SNX14: variants seen among roughly 807,000 people sequenced by gnomAD.
The protein encoded by SNX14 is sorting nexin-14.
In SNX14, 93 loss-of-function variants were observed where a neutral mutation model predicts 133.8. The ratio of observed to expected loss-of-function variants is 0.70; its 90% confidence interval spans 0.59 to 0.83. The LOEUF is 0.83. Among genes scored for constraint, SNX14 ranks in the 40% least tolerant of loss-of-function variants. SNX14 has a pLI of 0.00. For missense variants in SNX14, 945 were observed against 1,094.9 expected (o/e 0.86, Z 1.93); for synonymous variants, 368 against 365.6 (o/e 1.01, Z -0.07).
At position 85,573,317 on chromosome 6, in the gene SNX14, T is replaced by C. The variant is rs146478167; in HGVS notation, c.261+941A>G. Among the ~76,000 whole-genome samples the C allele has an allele frequency of 4.4e-3, 675 of 152,204 alleles. 2 individuals carry two copies. The highest frequency in any genetic ancestry group is 6.8e-3 in the Middle Eastern group (2 of 294). On this transcript the variant is annotated intron_variant, in intron 2 of 28. Coordinates refer to ENST00000314673, the MANE Select transcript of SNX14 (RefSeq NM_153816.6). ...CAACACAGCAAAACCCCGTCTCTACTAAAAATACAAAAATTAGCTGGGCCT... is the reference window on the plus strand; with the variant it reads ...CAACACAGCAAAACCCCGTCTCTACCAAAAATACAAAAATTAGCTGGGCCT...
chr6:85,562,968 G>C (rs1792254529), intron 6 of SNX14, among the ~76,000 whole-genome samples: 1 of 151,912 alleles, frequency 6.6e-6, no homozygotes, highest in Non-Finnish European at 1.5e-5. Context: ...ATTTGAACTT[G>C]TTTTCCATAC....
intron 6 of SNX14, among the ~76,000 whole-genome samples, chr6:85,558,936 GAA>G (rs11316571): frequency 1.8e-4 from 27 of 146,490 alleles, no homozygotes; most frequent in Middle Eastern, 3.5e-3. Flanking sequence ...CAGAAAACAG[GAA>G]AAAAAAAAAA....
chr6:85,579,346 G>C (rs773444191), intron 1 of SNX14, among the ~76,000 whole-genome samples: 5 of 152,110 alleles, frequency 3.3e-5, no homozygotes, highest in African/African-American at 4.8e-5. Context: ...AGGAGAGAGA[G>C]AGGCAGAACA....
At chr6:85,537,923 T>A (rs1344376539) in intron 16 of SNX14, among the ~76,000 whole-genome samples, 2 of 152,156 alleles carry the variant, frequency 1.3e-5, no homozygotes, top group Non-Finnish European at 2.9e-5. Flanking sequence ...TGAGGCTCCA[T>A]CAAGAAAATA....
At chr6:85,514,927 A>G (rs1774271970) in intron 23 of SNX14, among the ~76,000 whole-genome samples, 1 of 152,164 alleles carries the variant, frequency 6.6e-6, no homozygotes, top group Admixed American at 6.6e-5. Context: ...GCAAAGTAAC[A>G]TAAAAAGATG....
intron 13 of SNX14, 112 bp from the exon 14 acceptor site, chr6:85,543,418 A>T: frequency 2.7e-6 from 3 of 1,128,970 alleles, no homozygotes. Flanking sequence ...AAATTAGACC[A>T]ACCAAGCTCT....
chr6:85,533,779 T>C lies in SNX14; in HGVS notation c.1630A>G (p.Met544Val), dbSNP rs752431331. 155 of 1,613,268 alleles carry C rather than the reference T, an allele frequency of 9.6e-5. No individual in the cohort carries two copies. Among genetic ancestry groups the C allele is most frequent in the Non-Finnish European group, 1.2e-4 (145 of 1,179,926 alleles). ...GCCTCCACTGGAGAATCATCTTCCA[T>C]TACAACAATACCTTCTTCAATCTGG... ...DDFIEEGIVV[M>V]EDDSPVEAVS... is the part of the protein sequence containing the mutation. The change falls in exon 18 of 29, where the codon ATG (methionine) becomes GTG (valine). Residue 544 changes from methionine (M) to valine (V), a missense_variant. Met to Val is a conservative substitution (Grantham distance 21). Coordinates refer to ENST00000314673, the MANE Select transcript of SNX14 (RefSeq NM_153816.6).
intron 15 of SNX14, among the ~76,000 whole-genome samples, chr6:85,541,424 T>C (rs1783717112): frequency 6.6e-6 from 1 of 152,186 alleles, no homozygotes; most frequent in Non-Finnish European, 1.5e-5. Context: ...AATCTATAAA[T>C]CTACAGAATA....
In SNX14 at chr6:85,547,188, T is replaced by C. The variant is rs772650990; in HGVS notation, c.1032A>G (p.Gln344=). 1 of 1,614,088 alleles carries C rather than the reference T, an allele frequency of 6.2e-7. No individual in the cohort carries two copies. The highest frequency in any genetic ancestry group is 1.7e-5 in the Admixed American group (1 of 60,024). Residue 344 remains glutamine (Q), a synonymous_variant, in exon 12 of 29, where the codon CAA becomes CAG. Transcript: ENST00000314673. ...KLELKQIREQ[Q]DLLFRFMNFL... is the part of the protein sequence containing the mutation. ...AGTTCATAAAACGAAATAAAAGATC[T>C]TGTTGCTCTCTGATTTGCTTCAATT...
intron 6 of SNX14, among the ~76,000 whole-genome samples, chr6:85,562,582 CTT>C (rs201175458): frequency 1.3e-3 from 127 of 94,836 alleles, no homozygotes; most frequent in African/African-American, 4.8e-3. Flanking sequence ...ACTTTTTGGG[CTT>C]TTTTTTTTTT....
At chr6:85,588,811 G>A (rs934271845) in intron 1 of SNX14, 1 of 452,022 alleles carries the variant, frequency 2.2e-6, no homozygotes, top group Non-Finnish European at 4.4e-6. Context: ...ATGTAAGCTA[G>A]AGAAAACAAC....
intron 4 of SNX14, among the ~76,000 whole-genome samples, chr6:85,568,839 C>A (rs1296267865): frequency 6.6e-6 from 1 of 152,128 alleles, no homozygotes; most frequent in Non-Finnish European, 1.5e-5. Flanking sequence ...ACAGGGATAA[C>A]AATGAATAGG....
At chr6:85,585,855 T>G (rs532255992) in intron 1 of SNX14, among the ~76,000 whole-genome samples, 2 of 152,228 alleles carry the variant, frequency 1.3e-5, no homozygotes, top group South Asian at 4.2e-4. Flanking sequence ...AGAGTAAGTT[T>G]GTTGGACACA....
In SNX14 at chr6:85,543,329, G is replaced by T. The variant is rs377368555; in HGVS notation, c.1265-23C>A. ...CAACTATTAAAAAAATTCTACTGTA[G>T]AAATTATTTATAAATAGCATAAATA... On this transcript the variant is annotated intron_variant, in intron 13 of 28. Transcript: ENST00000314673. The T allele has an allele frequency of 5.2e-6, 8 of 1,535,366 alleles. No individual in the cohort carries two copies. In the African/African-American group the frequency reaches 9.8e-5, roughly 19 times the overall value.
chr6:85,526,750 G>C (rs1778606166), intron 20 of SNX14, among the ~76,000 whole-genome samples: 1 of 152,212 alleles, frequency 6.6e-6, no homozygotes. Flanking sequence ...TCTGTTGTCT[G>C]TTCTTCCTGC....
chr6:85,562,265 T>C (rs1296982580), intron 6 of SNX14, among the ~76,000 whole-genome samples: 1 of 152,204 alleles, frequency 6.6e-6, no homozygotes, highest in South Asian at 2.1e-4. Context: ...GTTGATTCCA[T>C]GTCTACAATT....
intron 1 of SNX14, chr6:85,588,757 A>G (rs773055407): frequency 2.4e-5 from 9 of 376,416 alleles, no homozygotes; most frequent in Admixed American, 5.6e-5. Flanking sequence ...ATAGTTGGTT[A>G]GTACTTATTT....
rs780231128 is a variant in SNX14, at chr6:85,517,960, A to G, written c.2148+48T>C. 4 of 1,575,322 alleles carry G rather than the reference A, an allele frequency of 2.5e-6. No homozygotes were observed. In the Admixed American group the frequency reaches 7.7e-5, roughly 30 times the overall value. On this transcript the variant is annotated intron_variant, in intron 22 of 28. Coordinates refer to ENST00000314673, the MANE Select transcript of SNX14 (RefSeq NM_153816.6). Reference sequence around the variant, plus strand: ...CAGCAAAATTTATCAATATTTAAATATGTTTATGATTATCATGTTATAGAA... The same window carrying G: ...CAGCAAAATTTATCAATATTTAAATGTGTTTATGATTATCATGTTATAGAA...
chr6:85,591,186 T>C (rs1191127633), intron 1 of SNX14, among the ~76,000 whole-genome samples: 4 of 152,234 alleles, frequency 2.6e-5, no homozygotes, highest in East Asian at 3.9e-4. Context: ...CCATGTTTTC[T>C]TGTATAACAA....
Sources: allele counts gnomAD v4.1 joint callset (sites outside exome capture counted in the v4.1 genomes callset), GRCh38; gene constraint gnomAD v4.1.1; transcripts MANE v1.5; gene names NCBI Gene and HGNC (gene_info 2026-07-23, HGNC 2026-07-21).